Variants in PRKCB observed in about 807,000 individuals in gnomAD.
The protein encoded by PRKCB is protein kinase C beta type.
In PRKCB, 13 loss-of-function variants were observed where a neutral mutation model predicts 81.5. The observed-to-expected ratio is 0.16, with a 90% CI of 0.10 to 0.25. The LOEUF (loss-of-function observed/expected upper bound fraction) is 0.25. Among genes scored for constraint, PRKCB ranks in the 10% least tolerant of loss-of-function variants. PRKCB has a pLI of 1.00. For synonymous variants in PRKCB, 335 were observed against 321.4 expected (o/e 1.04, Z -0.45); for missense variants, 509 against 875.7 (o/e 0.58, Z 5.29).
chr16:24,077,253 G>A lies in PRKCB; in HGVS notation c.530-15538G>A, dbSNP rs367923108. Among the ~76,000 whole-genome samples, 15 of 152,262 alleles carry A rather than the reference G, an allele frequency of 9.9e-5. 3 individuals carry two copies. Among genetic ancestry groups the A allele is most frequent in the Admixed American group, 3.3e-4 (5 of 15,288 alleles). Reference sequence around the variant, plus strand: ...GATGTGGGATGGGGCAGATTCAGTAGATGCCTTGAGATATGGATAGTTTGG... The same window carrying A: ...GATGTGGGATGGGGCAGATTCAGTAAATGCCTTGAGATATGGATAGTTTGG... On this transcript the variant is annotated intron_variant, in intron 5 of 16. Coordinates refer to ENST00000643927, the MANE Select transcript of PRKCB (RefSeq NM_002738.7).
At chr16:24,111,829 A>G (rs1423005699) in intron 7 of PRKCB, among the ~76,000 whole-genome samples, 1 of 152,148 alleles carries the variant, frequency 6.6e-6, no homozygotes, top group Non-Finnish European at 1.5e-5. Context: ...AGTCACAGTA[A>G]TAATAATCAT....
intron 7 of PRKCB, among the ~76,000 whole-genome samples, chr16:24,102,011 A>G (rs1966514623): frequency 6.6e-6 from 1 of 152,190 alleles, no homozygotes; most frequent in South Asian, 2.1e-4. Flanking sequence ...TCAGGTCCAG[A>G]TTTCTATGAT....
rs887662763 is a variant in PRKCB, at chr16:23,962,736, G to T, written c.206-25772G>T. On this transcript the variant is annotated intron_variant, in intron 2 of 16. Transcript: ENST00000643927. ...GCTGGTGTCCAACAAACCAGTCTTTGTTTTTTTTTTCTTTTATTTTAATTT... is the reference window on the plus strand; with the variant it reads ...GCTGGTGTCCAACAAACCAGTCTTTTTTTTTTTTTTCTTTTATTTTAATTT... 3.4e-4 allele frequency among the ~76,000 whole-genome samples: 51 copies of T among 148,468 alleles called. 1 individual carries two copies. In the South Asian group the frequency reaches 0.011, roughly 31 times the overall value.
intron 7 of PRKCB, among the ~76,000 whole-genome samples, chr16:24,112,738 C>T (rs1187054480): frequency 6.6e-6 from 1 of 152,034 alleles, no homozygotes; most frequent in Non-Finnish European, 1.5e-5. Context: ...ATGTGATATA[C>T]ATTTTTTTTC....
intron 2 of PRKCB, among the ~76,000 whole-genome samples, chr16:23,853,232 G>T (rs1239074091): frequency 6.6e-6 from 1 of 152,208 alleles, no homozygotes; most frequent in East Asian, 1.9e-4. Context: ...GACAAACCTT[G>T]AAGTCTCTGT....
rs180687331 is a variant in PRKCB at position 24,028,941 on chromosome 16, C to T, written c.289-3195C>T. 9.9e-4 allele frequency among the ~76,000 whole-genome samples: 151 copies of T among 152,284 alleles called. No individual in the cohort carries two copies. The Middle Eastern group carries it at 0.024, about 24-fold the overall frequency. The stretch of plus-strand genomic sequence containing the variant: ...AAGTAGCTGGGACTACAGGCATGTG[C>T]CACCACACCCTGCTAATTTTTGTAT... On this transcript the variant is annotated intron_variant, in intron 3 of 16. Transcript: ENST00000643927.
chr16:24,071,436 T>TAAAAAAAAAAAAAA (rs398042091), intron 5 of PRKCB, among the ~76,000 whole-genome samples: 6 of 57,296 alleles, frequency 1.0e-4, no homozygotes, highest in African/African-American at 3.4e-4. Context: ...AGACCCTGTC[T>TAAAAAAAAAAAAAA]AAAAAAAAAA....
intron 2 of PRKCB, among the ~76,000 whole-genome samples, chr16:23,933,629 TATCCATCC>T (rs57745059): frequency 5.4e-4 from 73 of 135,678 alleles, no homozygotes; most frequent in East Asian, 9.5e-4. Context: ...TGTGAACTGA[TATCCATCC>T]ATCCATCCAT....
At chr16:24,109,552 C>A (rs7184267) in intron 7 of PRKCB, among the ~76,000 whole-genome samples, 1 of 106,450 alleles carries the variant, frequency 9.4e-6, no homozygotes, top group Admixed American at 8.8e-5. Context: ...ATGTGATGGC[C>A]GCCCGGCAGA....
At position 24,042,743 on chromosome 16, in the gene PRKCB, A is replaced by AATT. The variant is rs71381630; in HGVS notation, c.529+7196_529+7197insATT. Among the ~76,000 whole-genome samples, 472 of 144,574 alleles carry AATT rather than the reference A, an allele frequency of 3.3e-3. 4 individuals are homozygous for AATT. Among genetic ancestry groups the AATT allele is most frequent in the African/African-American group, 0.011 (414 of 38,894 alleles). 94.8% of individuals were successfully genotyped at this position (144,574 alleles called of 152,430 possible). On this transcript the variant is annotated intron_variant, in intron 5 of 16. Coordinates refer to ENST00000643927, the MANE Select transcript of PRKCB (RefSeq NM_002738.7). ...ATGTACATACAATGATACATACAAA[A>AATT]TTTTTTTTTTTTTTGAGACAGTCTC...
chr16:23,934,664 T>G (rs195989), intron 2 of PRKCB, among the ~76,000 whole-genome samples: 146,945 of 152,274 alleles, frequency 0.97, 70,942 homozygotes, highest in East Asian at 1. Context: ...GGTTAGGAAT[T>G]GTCAGTGTTT....
intron 3 of PRKCB, among the ~76,000 whole-genome samples, chr16:24,018,140 C>T (rs1965309623): frequency 6.6e-6 from 1 of 152,096 alleles, no homozygotes; most frequent in African/African-American, 2.4e-5. Flanking sequence ...ACCTCGTGAT[C>T]CGCCCACCTC....
chr16:24,088,723 A>G (rs563722501), intron 5 of PRKCB, among the ~76,000 whole-genome samples: 1 of 152,048 alleles, frequency 6.6e-6, no homozygotes. Context: ...TCAAAAAAAA[A>G]AAAAAAAAAA....
In PRKCB at chr16:24,148,837, C is replaced by T. The variant is rs145334023; in HGVS notation, c.1066-5847C>T. Among the ~76,000 whole-genome samples the T allele has an allele frequency of 7.7e-3, 1,170 of 152,224 alleles. 19 individuals are homozygous for T. Among genetic ancestry groups the T allele is most frequent in the Non-Finnish European group, 5.7e-3 (390 of 68,010 alleles). On this transcript the variant is annotated intron_variant, in intron 9 of 16. Coordinates refer to ENST00000643927, the MANE Select transcript of PRKCB (RefSeq NM_002738.7). The stretch of plus-strand genomic sequence containing the variant: ...CCACACTCATTCACTTGATCCAGAC[C>T]GCCCTGCAAAGCCTATAATATTTCC...
At chr16:24,140,514 G>T (rs1374035321) in intron 9 of PRKCB, among the ~76,000 whole-genome samples, 1 of 152,198 alleles carries the variant, frequency 6.6e-6, no homozygotes, top group Non-Finnish European at 1.5e-5. Flanking sequence ...TAGTTTGGCA[G>T]GGAGAGGAGG....
chr16:24,170,468 C>T (rs78735524), intron 10 of PRKCB, among the ~76,000 whole-genome samples: 3,688 of 152,022 alleles, frequency 0.024, 161 homozygotes, highest in African/African-American at 0.083. Flanking sequence ...TTCCCAAATT[C>T]GTTAGCGCAG....
At chr16:23,845,431 T>C (rs1485863144) in intron 2 of PRKCB, among the ~76,000 whole-genome samples, 2 of 151,970 alleles carry the variant, frequency 1.3e-5, no homozygotes, top group African/African-American at 4.8e-5. Context: ...AAGTCTGAGT[T>C]GTCAAGGAAC....
intron 2 of PRKCB, among the ~76,000 whole-genome samples, chr16:23,926,677 G>A (rs1372970204): frequency 1.3e-5 from 2 of 150,022 alleles, no homozygotes; most frequent in African/African-American, 4.9e-5. Context: ...TAATATATAT[G>A]TATATATAAA....
At position 23,890,471 on chromosome 16, in the gene PRKCB, G is replaced by A. The variant is rs151028803; in HGVS notation, c.205+53065G>A. Among the ~76,000 whole-genome samples the A allele has an allele frequency of 2.6e-3, 395 of 152,222 alleles. 3 individuals carry two copies. The highest frequency in any genetic ancestry group is 9.2e-3 in the African/African-American group (382 of 41,544). ...TTACTTCTATGAAACAAGGAGAGAC[G>A]CTCCCTGGGACCCTTAACTATTTCT... is the stretch of plus-strand genomic sequence containing the variant. On this transcript the variant is annotated intron_variant, in intron 2 of 16. Transcript: ENST00000643927.
Sources: gnomAD v4.1 joint callset for allele counts (sites outside exome capture counted in the v4.1 genomes callset) on GRCh38, gnomAD v4.1.1 for gene constraint, MANE v1.5 for transcripts, NCBI Gene and HGNC (gene_info 2026-07-23, HGNC 2026-07-21) for gene names.